Variants in CLSTN2 observed in about 807,000 individuals in gnomAD.
CLSTN2 encodes calsyntenin 2.
In CLSTN2, 48 loss-of-function variants were observed where a neutral mutation model predicts 101.2. That is an observed-to-expected ratio of 0.47 (90% CI 0.38 to 0.60). The LOEUF (loss-of-function observed/expected upper bound fraction) is 0.60, where lower values mean the gene tolerates loss of function less well. CLSTN2 is among the 20% of genes least tolerant of loss of function. CLSTN2 has a pLI of 0.00. For missense variants in CLSTN2, 1,160 were observed against 1,238.2 expected, an observed-to-expected ratio of 0.94 and a Z score of 0.95; for synonymous variants, 481 against 463.6, an observed-to-expected ratio of 1.04 and a Z score of -0.48.
chr3:140,212,548 T>C (rs1323886226), intron 2 of CLSTN2, among the ~76,000 whole-genome samples: 6 of 152,204 alleles, frequency 3.9e-5, no homozygotes. Flanking sequence ...TGAGATTGCT[T>C]AGTCTCATTT....
At chr3:140,170,228 T>C (rs1023521063) in intron 1 of CLSTN2, among the ~76,000 whole-genome samples, 2 of 152,170 alleles carry the variant, frequency 1.3e-5, no homozygotes, top group Non-Finnish European at 2.9e-5. Flanking sequence ...CTAAAAAGAA[T>C]AAGTAATTAT....
chr3:140,192,366 G>A (rs188197778), intron 2 of CLSTN2, among the ~76,000 whole-genome samples: 80 of 151,790 alleles, frequency 5.3e-4, no homozygotes, highest in African/African-American at 1.8e-3. Flanking sequence ...GCTGATTTTC[G>A]GACTAGTTCT....
intron 2 of CLSTN2, among the ~76,000 whole-genome samples, chr3:140,298,914 A>T (rs2087028365): frequency 6.6e-6 from 1 of 152,190 alleles, no homozygotes; most frequent in African/African-American, 2.4e-5. Context: ...TGGGAATCTG[A>T]GATCCGGGAA....
chr3:140,556,667 T>C lies in CLSTN2; in HGVS notation c.1823+6T>C. 6.2e-7 allele frequency: 1 copy of C among 1,613,302 alleles called. No individual in the cohort carries two copies. The highest frequency in any genetic ancestry group is 8.5e-7 in the Non-Finnish European group (1 of 1,179,642). On this transcript the variant is annotated splice_donor_region_variant and intron_variant, in intron 11 of 16. Coordinates refer to ENST00000458420, the MANE Select transcript of CLSTN2 (RefSeq NM_022131.3). ...AAAGTATCCTCCAAAGTCCAGTGAG[T>C]GGACGCTGGTCAGCCTGGGGCCAAC...
intron 1 of CLSTN2, among the ~76,000 whole-genome samples, chr3:140,084,277 G>A (rs1391220037): frequency 6.6e-6 from 1 of 152,086 alleles, no homozygotes; most frequent in Non-Finnish European, 1.5e-5. Flanking sequence ...CAGATATGAG[G>A]CCAGGATTCA....
At chr3:139,954,354 A>T (rs961840731) in intron 1 of CLSTN2, among the ~76,000 whole-genome samples, 1 of 152,100 alleles carries the variant, frequency 6.6e-6, no homozygotes, top group East Asian at 1.9e-4. Flanking sequence ...GCAGCACTTA[A>T]ACTTGTCTTC....
At chr3:140,419,211 G>A (rs1030078290) in intron 4 of CLSTN2, among the ~76,000 whole-genome samples, 19 of 151,232 alleles carry the variant, frequency 1.3e-4, no homozygotes, top group Admixed American at 1.3e-3. Context: ...GGCTGGGCAT[G>A]TTGGCTCACA....
At chr3:140,471,632 A>C (rs1473060861) in intron 8 of CLSTN2, among the ~76,000 whole-genome samples, 2 of 152,212 alleles carry the variant, frequency 1.3e-5, no homozygotes, top group Non-Finnish European at 2.9e-5. Flanking sequence ...CCTTGGGAGC[A>C]TCTTTTGCAA....
chr3:140,100,544 A>C (rs1325516942), intron 1 of CLSTN2, among the ~76,000 whole-genome samples: 1 of 152,238 alleles, frequency 6.6e-6, no homozygotes, highest in Non-Finnish European at 1.5e-5. Flanking sequence ...GTTCTCTTCA[A>C]AACATGACTT....
intron 1 of CLSTN2, among the ~76,000 whole-genome samples, chr3:140,009,808 TG>T (rs893986535): frequency 3.9e-5 from 6 of 152,234 alleles, no homozygotes; most frequent in Non-Finnish European, 8.8e-5. Flanking sequence ...CAAAAGAAGC[TG>T]TAGCATCCAC....
chr3:140,315,544 G>A (rs976185100), intron 2 of CLSTN2, among the ~76,000 whole-genome samples: 5 of 152,194 alleles, frequency 3.3e-5, no homozygotes, highest in African/African-American at 1.2e-4. Flanking sequence ...TCTTACTACT[G>A]TGGCTTTTCT....
rs187792476 is a variant in CLSTN2 at position 140,024,558 on chromosome 3, C to T, written c.109+89075C>T. Among the ~76,000 whole-genome samples, 26 of 152,308 alleles carry T rather than the reference C, an allele frequency of 1.7e-4. No individual in the cohort carries two copies. In the East Asian group the frequency reaches 4.6e-3, roughly 27 times the overall value. ...CGGCCTGGCCTTGGTGTCAGCTAGT[C>T]GCAAACAACACCCTGCAGCTCAGGC... On this transcript the variant is annotated intron_variant, in intron 1 of 16. Transcript: ENST00000458420.
intron 1 of CLSTN2, among the ~76,000 whole-genome samples, chr3:140,047,995 A>T (rs1393838234): frequency 1.3e-5 from 2 of 152,238 alleles, no homozygotes; most frequent in African/African-American, 4.8e-5. Context: ...GACACAAGGA[A>T]ATAAATGCAT....
chr3:140,197,106 C>T (rs1039472606), intron 2 of CLSTN2, among the ~76,000 whole-genome samples: 1 of 152,156 alleles, frequency 6.6e-6, no homozygotes, highest in Non-Finnish European at 1.5e-5. Flanking sequence ...CAAATACAAC[C>T]CTGCCTGGCT....
At chr3:140,222,734 G>A (rs1299892550) in intron 2 of CLSTN2, among the ~76,000 whole-genome samples, 3 of 151,904 alleles carry the variant, frequency 2.0e-5, no homozygotes, top group African/African-American at 4.8e-5. Flanking sequence ...AATTATAATT[G>A]GATTGTTTGT....
intron 1 of CLSTN2, among the ~76,000 whole-genome samples, chr3:140,006,032 C>A (rs961778044): frequency 2.0e-5 from 3 of 152,134 alleles, no homozygotes; most frequent in Non-Finnish European, 4.4e-5. Context: ...AATATTAGCA[C>A]AATTATGATT....
At chr3:140,270,289 A>C (rs2086730214) in intron 2 of CLSTN2, among the ~76,000 whole-genome samples, 1 of 152,154 alleles carries the variant, frequency 6.6e-6, no homozygotes. Context: ...CCCAGGATGG[A>C]GGTGGACTCA....
chr3:140,502,489 G>A (rs528612100), intron 8 of CLSTN2, among the ~76,000 whole-genome samples: 39 of 152,228 alleles, frequency 2.6e-4, no homozygotes, highest in Non-Finnish European at 4.3e-4. Context: ...TATCCTGTGT[G>A]TGGTCAGCCC....
intron 2 of CLSTN2, among the ~76,000 whole-genome samples, chr3:140,277,457 A>C (rs976895080): frequency 6.6e-6 from 1 of 152,228 alleles, no homozygotes; most frequent in African/African-American, 2.4e-5. Flanking sequence ...ATAGTTCTGC[A>C]GATGACTGCT....
Sources: allele counts gnomAD v4.1 joint callset (sites outside exome capture counted in the v4.1 genomes callset), GRCh38; gene constraint gnomAD v4.1.1; transcripts MANE v1.5; gene names NCBI Gene and HGNC (gene_info 2026-07-23, HGNC 2026-07-21).